LRBA: variants seen among roughly 807,000 people sequenced by gnomAD.
LRBA encodes the protein LPS responsive beige-like anchor protein.
In LRBA, 176 loss-of-function variants were observed where a neutral mutation model predicts 330.0. That is an observed-to-expected ratio of 0.53 (90% CI 0.47 to 0.60). The LOEUF is 0.60. Ranked by LOEUF, LRBA falls within the 20% of genes least tolerant of loss-of-function variation. The probability of loss-of-function intolerance (pLI) is 0.00; values close to 1 mark genes in which losing one functional copy is unlikely to be tolerated. For missense variants in LRBA, 3,259 were observed against 3,444.8 expected, an observed-to-expected ratio of 0.95 and a Z score of 1.35; for synonymous variants, 1,230 against 1,193.0, an observed-to-expected ratio of 1.03 and a Z score of -0.64.
chr4:150,807,628 TTTG>T (rs57037174), intron 32 of LRBA, among the ~76,000 whole-genome samples: 17,897 of 149,642 alleles, frequency 0.12, 2,165 homozygotes, highest in African/African-American at 0.31. Flanking sequence ...ATATCAGCAT[TTTG>T]TTGTTGTTGT....
intron 40 of LRBA, among the ~76,000 whole-genome samples, chr4:150,507,595 T>G (rs1182610780): frequency 1.3e-5 from 2 of 152,134 alleles, no homozygotes; most frequent in African/African-American, 4.8e-5. Context: ...GATTAAAGAC[T>G]TACATGTTAG....
intron 2 of LRBA, among the ~76,000 whole-genome samples, chr4:150,935,671 A>C (rs893248563): frequency 2.0e-5 from 3 of 151,942 alleles, no homozygotes; most frequent in Non-Finnish European, 4.4e-5. Flanking sequence ...ATTCTATACA[A>C]AAAGAATACT....
At chr4:150,432,987 C>T (rs546820939) in intron 46 of LRBA, among the ~76,000 whole-genome samples, 67 of 151,990 alleles carry the variant, frequency 4.4e-4, no homozygotes, top group Non-Finnish European at 9.0e-4. Flanking sequence ...TTTATCAATG[C>T]CCTACTTACT....
rs1200135700 is a variant in LRBA, at chr4:150,658,501, A to G, written c.5921+25050T>C. ...AAACTTGAAAAACCTATCAGAAAAT[A>G]AAAGTCTCCCTCTCCCTCTCCCTCT... On this transcript the variant is annotated intron_variant, in intron 37 of 56. Coordinates refer to ENST00000651943, the MANE Select transcript of LRBA (RefSeq NM_001364905.1). 3.9e-4 allele frequency among the ~76,000 whole-genome samples: 11 copies of G among 28,096 alleles called. No homozygotes were observed. The Admixed American group carries it at 6.5e-3, about 17-fold the overall frequency. The allele number at this position is 28,096 out of a possible 152,430, so 18.4% of individuals were successfully genotyped here. A position where few individuals can be genotyped will look rare whatever the true frequency, so the allele number is the denominator to read the frequency against.
At chr4:150,754,006 G>A (rs1560772619) in intron 35 of LRBA, among the ~76,000 whole-genome samples, 3 of 151,618 alleles carry the variant, frequency 2.0e-5, no homozygotes, top group Admixed American at 2.0e-4. Context: ...GATCAAGGCT[G>A]CAGTGAGCCT....
intron 40 of LRBA, among the ~76,000 whole-genome samples, chr4:150,559,805 TATATATAATA>T (rs1373146375): frequency 1.3e-4 from 10 of 79,380 alleles, no homozygotes; most frequent in South Asian, 3.0e-4. Flanking sequence ...TATAATATGT[TATATATAATA>T]ATATATAATA....
intron 37 of LRBA, among the ~76,000 whole-genome samples, chr4:150,635,928 G>C (rs995850316): frequency 6.6e-6 from 1 of 152,146 alleles, no homozygotes; most frequent in Non-Finnish European, 1.5e-5. Flanking sequence ...CTGACATTTA[G>C]ATGATTACAG....
At chr4:150,854,104 A>G (rs1305322963) in intron 22 of LRBA, among the ~76,000 whole-genome samples, 3 of 152,158 alleles carry the variant, frequency 2.0e-5, no homozygotes, top group Non-Finnish European at 4.4e-5. Context: ...ATTTCCTTCT[A>G]TCGACATTAA....
At chr4:150,916,986 TA>T (rs1462126523) in intron 5 of LRBA, among the ~76,000 whole-genome samples, 10 of 152,062 alleles carry the variant, frequency 6.6e-5, no homozygotes, top group Non-Finnish European at 1.5e-4. Flanking sequence ...ACCCCGTCTC[TA>T]CTAAAAATAC....
intron 40 of LRBA, among the ~76,000 whole-genome samples, chr4:150,559,873 AATTATATATAATTATATATAAT>A (rs1768020406): frequency 5.4e-5 from 1 of 18,512 alleles, no homozygotes; most frequent in Non-Finnish European, 1.2e-4. Context: ...TATAATATAT[AATTATATATAATTATATATAAT>A]TATATATAAT....
At chr4:150,314,770 G>A (rs778513987) in intron 51 of LRBA, 4 of 152,056 alleles carry the variant, frequency 2.6e-5, no homozygotes, top group Non-Finnish European at 5.9e-5. Context: ...ATCCCCACAC[G>A]TAAGGATGAA....
intron 2 of LRBA, among the ~76,000 whole-genome samples, chr4:150,970,178 T>C (rs1305265997): frequency 6.6e-6 from 1 of 152,096 alleles, no homozygotes; most frequent in African/African-American, 2.4e-5. Flanking sequence ...GCATTGTTTT[T>C]TTAGACATAA....
chr4:150,918,082 A>C (rs889811411), intron 5 of LRBA, among the ~76,000 whole-genome samples: 3 of 152,188 alleles, frequency 2.0e-5, no homozygotes, highest in African/African-American at 7.2e-5. Flanking sequence ...ATGTCACCAA[A>C]AGGACAAGTG....
At chr4:150,700,337 G>A (rs1292153235) in intron 36 of LRBA, among the ~76,000 whole-genome samples, 1 of 152,060 alleles carries the variant, frequency 6.6e-6, no homozygotes, top group Non-Finnish European at 1.5e-5. Flanking sequence ...TGTATTAAAT[G>A]TTGTAGGCAA....
intron 53 of LRBA, among the ~76,000 whole-genome samples, chr4:150,295,033 A>G (rs564902591): frequency 6.6e-6 from 1 of 152,142 alleles, no homozygotes; most frequent in African/African-American, 2.4e-5. Context: ...CATTGAAAGT[A>G]TATTTCATCC....
At chr4:150,720,119 A>T (rs1332758165) in intron 36 of LRBA, among the ~76,000 whole-genome samples, 3 of 152,144 alleles carry the variant, frequency 2.0e-5, no homozygotes, top group Non-Finnish European at 4.4e-5. Flanking sequence ...TGGAGAGGGA[A>T]ATAAGTCACT....
chr4:150,433,097 A>C (rs74330155), intron 46 of LRBA, among the ~76,000 whole-genome samples: 3,050 of 152,266 alleles, frequency 0.02, 44 homozygotes, highest in Non-Finnish European at 0.03. Flanking sequence ...TTCTGAAAAA[A>C]ATTTTGTGCT....
chr4:150,560,075 T>C (rs1371333630), intron 40 of LRBA, among the ~76,000 whole-genome samples: 2 of 147,606 alleles, frequency 1.4e-5, no homozygotes, highest in African/African-American at 5.0e-5. Context: ...ATTACTATTA[T>C]AGTTATATAA....
chr4:150,439,365 C>A (rs1282167476), intron 44 of LRBA, among the ~76,000 whole-genome samples: 2 of 152,006 alleles, frequency 1.3e-5, no homozygotes, highest in Non-Finnish European at 2.9e-5. Flanking sequence ...TGCAGAGATC[C>A]ATATTGGTAG....
Sources: gnomAD v4.1 joint callset for allele counts (sites outside exome capture counted in the v4.1 genomes callset) on GRCh38, gnomAD v4.1.1 for gene constraint, MANE v1.5 for transcripts, NCBI Gene and HGNC (gene_info 2026-07-23, HGNC 2026-07-21) for gene names.